The following DDX10 variants were observed in gnomAD, a reference collection of about 807,000 sequenced individuals.
DDX10 encodes the protein probable ATP-dependent RNA helicase DDX10.
DDX10 carries 74 observed loss-of-function variants against 104.3 expected under a neutral mutation model. That is an observed-to-expected ratio of 0.71 (90% CI 0.59 to 0.86). The LOEUF (loss-of-function observed/expected upper bound fraction) is 0.86, where lower values mean the gene tolerates loss of function less well. DDX10 is among the 40% of genes least tolerant of loss of function. The pLI, the probability that DDX10 is intolerant of heterozygous loss-of-function variation, is 0.00. For synonymous variants in DDX10, 351 were observed against 353.4 expected, an observed-to-expected ratio of 0.99 and a Z score of 0.08; for missense variants, 952 against 1,040.0, an observed-to-expected ratio of 0.92 and a Z score of 1.16.
chr11:108,805,892 T>C (rs1862092194), intron 13 of DDX10, among the ~76,000 whole-genome samples: 1 of 152,198 alleles, frequency 6.6e-6, no homozygotes, highest in Non-Finnish European at 1.5e-5. Context: ...TTTTGAATGT[T>C]AAGTTTTTAT....
intron 10 of DDX10, among the ~76,000 whole-genome samples, chr11:108,710,799 G>A (rs1404902830): frequency 6.6e-6 from 1 of 152,164 alleles, no homozygotes. Flanking sequence ...GTAATGTATT[G>A]CCCTATAGTG....
In DDX10 at chr11:108,795,277, ATT is replaced by A. The variant is rs559914594; in HGVS notation, c.1966-43153_1966-43152del. On this transcript the variant is annotated intron_variant, in intron 13 of 17. Transcript: ENST00000322536. ...TTCTCCAAATTGTCTGGGCCTGGAA[ATT>A]TTTTTTTTTTTTTTTATGGGAGGGT... is the stretch of plus-strand genomic sequence containing the variant. Among the ~76,000 whole-genome samples, 1,021 of 131,126 alleles carry A rather than the reference ATT, an allele frequency of 7.8e-3. 18 individuals are homozygous for A. The highest frequency in any genetic ancestry group is 0.026 in the African/African-American group (935 of 35,492). The allele number at this position is 131,126 out of a possible 152,430, so 86.0% of individuals were successfully genotyped here.
intron 1 of DDX10, among the ~76,000 whole-genome samples, chr11:108,666,500 C>A (rs1488030735): frequency 6.6e-6 from 1 of 152,038 alleles, no homozygotes; most frequent in African/African-American, 2.4e-5. Context: ...AACAAAAAAG[C>A]CCAGCAACAA....
At chr11:108,737,438 C>T (rs2094319746) in intron 13 of DDX10, among the ~76,000 whole-genome samples, 1 of 152,178 alleles carries the variant, frequency 6.6e-6, no homozygotes, top group African/African-American at 2.4e-5. Flanking sequence ...GGCAGAGAAT[C>T]TGCTGGTTTT....
chr11:108,926,033 T>G (rs1196203528), intron 17 of DDX10, among the ~76,000 whole-genome samples: 2 of 152,132 alleles, frequency 1.3e-5, no homozygotes, highest in African/African-American at 4.8e-5. Context: ...GAAAGTAGAT[T>G]GAGAGAGAAG....
chr11:108,722,099 A>G, intron 12 of DDX10, among the ~76,000 whole-genome samples: 1 of 152,220 alleles, frequency 6.6e-6, no homozygotes. Flanking sequence ...TCCGGTATGG[A>G]AAGATTAAAT....
Position 108,715,954 on chromosome 11 carries a change from AAG to A in DDX10, c.1401_1402del (p.Arg467SerfsTer18). On this transcript the variant is annotated frameshift_variant, in exon 11 of 18. Transcript: ENST00000322536. LOFTEE classifies it high-confidence loss of function. Reference sequence around the variant, plus strand: ...TAGCTCAAGATCAAGATTTAAAAGAAAGAGCTCAAAGGGTAAGTCATTTTTCA... The same window carrying A: ...TAGCTCAAGATCAAGATTTAAAAGAAAGCTCAAAGGGTAAGTCATTTTTCA... ...ILAQDQDLKE[R>X]AQRCFVSYVR... 6.5e-7 allele frequency: 1 copy of A among 1,539,238 alleles called. No individual in the cohort carries two copies. The highest frequency in any genetic ancestry group is 9.0e-7 in the Non-Finnish European group (1 of 1,115,964).
At chr11:108,910,837 G>T (rs1401811493) in intron 16 of DDX10, among the ~76,000 whole-genome samples, 1 of 151,144 alleles carries the variant, frequency 6.6e-6, no homozygotes, top group Non-Finnish European at 1.5e-5. Context: ...ATGATAGGGG[G>T]TTCTTGTTTT....
At chr11:108,913,452 A>G (rs1276083051) in intron 16 of DDX10, among the ~76,000 whole-genome samples, 3 of 152,132 alleles carry the variant, frequency 2.0e-5, no homozygotes. Flanking sequence ...AGAGGAAGCA[A>G]TCAGATAAGC....
intron 13 of DDX10, among the ~76,000 whole-genome samples, chr11:108,732,650 G>A (rs1013019470): frequency 6.6e-6 from 1 of 152,116 alleles, no homozygotes; most frequent in Non-Finnish European, 1.5e-5. Flanking sequence ...GAAGTGCCAC[G>A]AGTGATGAAG....
intron 16 of DDX10, among the ~76,000 whole-genome samples, chr11:108,881,183 G>A (rs1863223146): frequency 1.3e-5 from 2 of 152,170 alleles, no homozygotes; most frequent in Admixed American, 6.6e-5. Context: ...ATAGTCAAAA[G>A]CTTGTAGCTT....
intron 13 of DDX10, among the ~76,000 whole-genome samples, chr11:108,770,904 T>G (rs1441766707): frequency 1.3e-5 from 2 of 151,188 alleles, no homozygotes; most frequent in Non-Finnish European, 3.0e-5. Flanking sequence ...CTGTTTTTAG[T>G]TTTTTTTTGT....
intron 13 of DDX10, among the ~76,000 whole-genome samples, chr11:108,827,649 G>T (rs1457739900): frequency 3.3e-5 from 5 of 152,030 alleles, no homozygotes; most frequent in Non-Finnish European, 5.9e-5. Context: ...AATTTTAGTT[G>T]ATTTCTATTG....
chr11:108,782,153 CTG>C, intron 13 of DDX10, among the ~76,000 whole-genome samples: 1 of 152,294 alleles, frequency 6.6e-6, no homozygotes, highest in Middle Eastern at 3.4e-3. Flanking sequence ...ATATGTCAGA[CTG>C]TATATGGTAT....
intron 13 of DDX10, among the ~76,000 whole-genome samples, chr11:108,783,707 G>T (rs904199734): frequency 5.5e-4 from 84 of 152,188 alleles, no homozygotes; most frequent in African/African-American, 2.0e-3. Flanking sequence ...AGATTAAAGG[G>T]TACATGTGCA....
intron 13 of DDX10, among the ~76,000 whole-genome samples, chr11:108,772,331 C>G (rs1435567757): frequency 6.6e-6 from 1 of 152,140 alleles, no homozygotes; most frequent in Non-Finnish European, 1.5e-5. Context: ...TAGGCAGGCT[C>G]TAAACCTAAT....
intron 17 of DDX10, among the ~76,000 whole-genome samples, chr11:108,937,059 G>A (rs939027742): frequency 4.6e-5 from 7 of 152,182 alleles, no homozygotes; most frequent in Non-Finnish European, 1.0e-4. Context: ...CTTTTAATAG[G>A]CAGATTTGTA....
chr11:108,801,384 G>A (rs1282485670), intron 13 of DDX10, among the ~76,000 whole-genome samples: 1 of 152,100 alleles, frequency 6.6e-6, no homozygotes, highest in African/African-American at 2.4e-5. Context: ...TACTTTTTGA[G>A]TATGTTTTGG....
rs1021650789 is a variant in DDX10 at position 108,854,527 on chromosome 11, A to G, written c.2304+2318A>G. On this transcript the variant is annotated intron_variant, in intron 16 of 17. Transcript: ENST00000322536. Reference sequence around the variant, plus strand: ...TACAAGCTATCCAGAAGATATTTTAATGGTCAAAGAAGGTGGTACTTGCAG... The same window carrying G: ...TACAAGCTATCCAGAAGATATTTTAGTGGTCAAAGAAGGTGGTACTTGCAG... Among the ~76,000 whole-genome samples, 4 of 152,208 alleles carry G rather than the reference A, an allele frequency of 2.6e-5. No individual in the cohort carries two copies. In the South Asian group the frequency reaches 6.2e-4, roughly 24 times the overall value.
Sources: gnomAD v4.1 joint callset for allele counts (sites outside exome capture counted in the v4.1 genomes callset) on GRCh38, gnomAD v4.1.1 for gene constraint, MANE v1.5 for transcripts, NCBI Gene and HGNC (gene_info 2026-07-23, HGNC 2026-07-21) for gene names.